KCNMB2: variants seen among roughly 807,000 people sequenced by gnomAD.
KCNMB2 encodes the protein potassium calcium-activated channel subfamily M regulatory beta subunit 2, also known as calcium-activated potassium channel subunit beta-2.
In KCNMB2, 9 loss-of-function variants were observed where a neutral mutation model predicts 24.5. That is an observed-to-expected ratio of 0.37 (90% CI 0.22 to 0.64). The LOEUF is 0.64. Ranked by LOEUF, KCNMB2 falls within the 30% of genes least tolerant of loss-of-function variation. The probability of loss-of-function intolerance (pLI) is 0.63; values close to 1 mark genes in which losing one functional copy is unlikely to be tolerated. For synonymous variants in KCNMB2, 109 were observed against 104.4 expected (o/e 1.04, Z -0.27); for missense variants, 226 against 284.3 (o/e 0.79, Z 1.47).
Position 178,634,938 on chromosome 3 carries a change from G to A in KCNMB2, c.-68+98227G>A, listed in dbSNP as rs183058180. Among the ~76,000 whole-genome samples, 674 of 152,230 alleles carry A rather than the reference G, an allele frequency of 4.4e-3. 4 individuals carry two copies. The highest frequency in any genetic ancestry group is 0.037 in the Middle Eastern group (11 of 294). On this transcript the variant is annotated intron_variant, in intron 1 of 4. Coordinates refer to ENST00000452583, the MANE Select transcript of KCNMB2 (RefSeq NM_181361.3). ...AAATGGGAGAGATAGAGGCAACATGGGGTGCAAGGGTACAAGTCTGAGTTC... is the reference window on the plus strand; with the variant it reads ...AAATGGGAGAGATAGAGGCAACATGAGGTGCAAGGGTACAAGTCTGAGTTC...
At chr3:178,840,354 A>G (rs2108479101) in intron 4 of KCNMB2, among the ~76,000 whole-genome samples, 1 of 152,314 alleles carries the variant, frequency 6.6e-6, no homozygotes, top group African/African-American at 2.4e-5. Flanking sequence ...TTCTAGGCAC[A>G]CAGTGCAAGC....
intron 1 of KCNMB2, among the ~76,000 whole-genome samples, chr3:178,617,907 A>C (rs925796453): frequency 5.9e-4 from 90 of 151,794 alleles, no homozygotes; most frequent in African/African-American, 1.7e-3. Flanking sequence ...AAAAAAAAAA[A>C]AAAACCCAAC....
intron 1 of KCNMB2, among the ~76,000 whole-genome samples, chr3:178,779,296 C>A (rs1282036990): frequency 6.6e-6 from 1 of 152,138 alleles, no homozygotes; most frequent in African/African-American, 2.4e-5. Flanking sequence ...TCCAGAAGAC[C>A]ATCTCTAAAG....
chr3:178,547,724 T>G (rs928740270), intron 1 of KCNMB2, among the ~76,000 whole-genome samples: 1 of 152,194 alleles, frequency 6.6e-6, no homozygotes, highest in Admixed American at 6.5e-5. Context: ...AGAGCTTTTT[T>G]CAGTAATTGG....
At chr3:178,586,524 TTTTTTTTTTCTTTC>T (rs1560119673) in intron 1 of KCNMB2, among the ~76,000 whole-genome samples, 1 of 129,886 alleles carries the variant, frequency 7.7e-6, no homozygotes, top group Non-Finnish European at 1.5e-5. Flanking sequence ...TTTTCTTTTC[TTTTTTTTTTCTTTC>T]TTTTTTTTTT....
intron 4 of KCNMB2, among the ~76,000 whole-genome samples, chr3:178,838,597 G>A (rs1335575619): frequency 6.7e-6 from 1 of 149,682 alleles, no homozygotes; most frequent in Non-Finnish European, 1.5e-5. Context: ...CAAGGTGCCT[G>A]TGTGCCCACT....
intron 4 of KCNMB2, among the ~76,000 whole-genome samples, chr3:178,839,874 G>T (rs1715365698): frequency 6.6e-6 from 1 of 152,050 alleles, no homozygotes. Flanking sequence ...TTCTGCCCCG[G>T]CTCTTCCCAA....
At chr3:178,811,960 A>T (rs1714210725) in intron 2 of KCNMB2, among the ~76,000 whole-genome samples, 1 of 152,152 alleles carries the variant, frequency 6.6e-6, no homozygotes, top group Non-Finnish European at 1.5e-5. Context: ...GACTGTTTAA[A>T]TATTTGCCCC....
chr3:178,624,051 C>T (rs1042411202), intron 1 of KCNMB2, among the ~76,000 whole-genome samples: 4 of 152,182 alleles, frequency 2.6e-5, no homozygotes, highest in Admixed American at 2.6e-4. Context: ...TTAGCACCTA[C>T]GTGCTGTGTG....
intron 1 of KCNMB2, among the ~76,000 whole-genome samples, chr3:178,733,371 C>T (rs1312956600): frequency 6.6e-6 from 1 of 152,146 alleles, no homozygotes; most frequent in Non-Finnish European, 1.5e-5. Flanking sequence ...CAACACAGGA[C>T]ATCATAGGCC....
intron 1 of KCNMB2, among the ~76,000 whole-genome samples, chr3:178,594,557 A>G (rs1006194316): frequency 6.6e-6 from 1 of 152,106 alleles, no homozygotes; most frequent in African/African-American, 2.4e-5. Context: ...TAGAATAGAA[A>G]GAGCATGTTT....
At chr3:178,576,321 T>G (rs1442526070) in intron 1 of KCNMB2, among the ~76,000 whole-genome samples, 1 of 152,038 alleles carries the variant, frequency 6.6e-6, no homozygotes, top group African/African-American at 2.4e-5. Context: ...CAGATACTGC[T>G]CTTTTCCCAT....
At chr3:178,716,075 C>T (rs943651028) in intron 1 of KCNMB2, among the ~76,000 whole-genome samples, 1 of 152,208 alleles carries the variant, frequency 6.6e-6, no homozygotes, top group Non-Finnish European at 1.5e-5. Context: ...CTAACCAAAG[C>T]TTACAGTTCA....
At chr3:178,705,703 CAAAACCTTT>C (rs1274081454) in intron 1 of KCNMB2, among the ~76,000 whole-genome samples, 1 of 152,050 alleles carries the variant, frequency 6.6e-6, no homozygotes, top group African/African-American at 2.4e-5. Context: ...TCTTTGCCAA[CAAAACCTTT>C]AAAAATTATT....
At chr3:178,817,120 G>C (rs1251349923) in intron 2 of KCNMB2, among the ~76,000 whole-genome samples, 2 of 150,606 alleles carry the variant, frequency 1.3e-5, no homozygotes, top group Admixed American at 1.3e-4. Flanking sequence ...ATAAGACCTG[G>C]GTCACAGTGT....
At chr3:178,661,741 CA>C (rs1720536907) in intron 1 of KCNMB2, among the ~76,000 whole-genome samples, 1 of 152,146 alleles carries the variant, frequency 6.6e-6, no homozygotes, top group South Asian at 2.1e-4. Flanking sequence ...GATCCCGCCC[CA>C]AATCTACTGA....
intron 1 of KCNMB2, among the ~76,000 whole-genome samples, chr3:178,721,986 T>C (rs1043362923): frequency 3.3e-5 from 5 of 152,226 alleles, no homozygotes. Context: ...TAATTTCAAA[T>C]ATTTTCTCTT....
intron 2 of KCNMB2, among the ~76,000 whole-genome samples, chr3:178,819,337 C>A (rs1714534538): frequency 6.6e-6 from 1 of 152,192 alleles, no homozygotes; most frequent in South Asian, 2.1e-4. Context: ...ATAAACCACA[C>A]TAAATGGAAT....
chr3:178,746,221 C>T (rs1465676058), intron 1 of KCNMB2, among the ~76,000 whole-genome samples: 1 of 152,204 alleles, frequency 6.6e-6, no homozygotes, highest in Non-Finnish European at 1.5e-5. Context: ...GGTTCCCAAA[C>T]CCCAATTCTT....
Sources: gnomAD v4.1 joint callset for allele counts (sites outside exome capture counted in the v4.1 genomes callset) on GRCh38, gnomAD v4.1.1 for gene constraint, MANE v1.5 for transcripts, NCBI Gene and HGNC (gene_info 2026-07-23, HGNC 2026-07-21) for gene names.